Variants in ADGRD1 observed in about 807,000 individuals in gnomAD.
The protein encoded by ADGRD1 is adhesion G protein-coupled receptor D1, also known as G-protein coupled receptor 133.
In ADGRD1, 77 loss-of-function variants were observed where a neutral mutation model predicts 113.4. The ratio of observed to expected loss-of-function variants is 0.68; its 90% CI spans 0.57 to 0.82. ADGRD1 has a LOEUF of 0.82. ADGRD1 is among the 40% of genes least tolerant of loss of function. The probability of loss-of-function intolerance (pLI) is 0.00; values close to 1 mark genes in which losing one functional copy is unlikely to be tolerated. For missense variants in ADGRD1, 1,036 were observed against 1,139.1 expected (o/e 0.91, Z 1.30); for synonymous variants, 474 against 475.0 (o/e 1.00, Z 0.03).
intron 13 of ADGRD1, among the ~76,000 whole-genome samples, chr12:131,019,059 G>A (rs1177762132): frequency 6.6e-6 from 1 of 152,202 alleles, no homozygotes; most frequent in Admixed American, 6.5e-5. Context: ...TCAGAGCCCT[G>A]CACAGACGCC....
intron 3 of ADGRD1, chr12:130,970,353 T>A (rs1871466663): frequency 6.6e-6 from 1 of 152,248 alleles, no homozygotes; most frequent in African/African-American, 2.4e-5. Context: ...ACAGCCTAGC[T>A]CAATTACGCA....
intron 13 of ADGRD1, among the ~76,000 whole-genome samples, chr12:131,054,858 C>T (rs1300005738): frequency 2.0e-5 from 3 of 152,210 alleles, no homozygotes; most frequent in Non-Finnish European, 4.4e-5. Context: ...TCCTGTCCCT[C>T]ATGCACCCCT....
chr12:131,133,545 C>A (rs1250902081), intron 21 of ADGRD1, among the ~76,000 whole-genome samples: 2 of 152,230 alleles, frequency 1.3e-5, no homozygotes, highest in African/African-American at 4.8e-5. Flanking sequence ...CATTGCCCAT[C>A]CTTCCCACCT....
At chr12:131,006,551 C>T (rs1390988372) in intron 12 of ADGRD1, among the ~76,000 whole-genome samples, 7 of 152,340 alleles carry the variant, frequency 4.6e-5, no homozygotes, top group African/African-American at 1.7e-4. Context: ...TGTCTGCCCC[C>T]TGCCTCTGCT....
chr12:131,089,075 CT>C (rs2137239725), intron 15 of ADGRD1, among the ~76,000 whole-genome samples: 1 of 152,302 alleles, frequency 6.6e-6, no homozygotes, highest in East Asian at 1.9e-4. Context: ...GCTCGCATTT[CT>C]GTTCGTGTCA....
At chr12:131,066,193 C>A (rs1014129739) in intron 13 of ADGRD1, among the ~76,000 whole-genome samples, 1 of 152,154 alleles carries the variant, frequency 6.6e-6, no homozygotes, top group South Asian at 2.1e-4. Context: ...GGATTGTGAC[C>A]GCTACAAGAT....
intron 13 of ADGRD1, among the ~76,000 whole-genome samples, chr12:131,058,399 G>T (rs1884054883): frequency 6.6e-6 from 1 of 152,206 alleles, no homozygotes; most frequent in Non-Finnish European, 1.5e-5. Context: ...AATGTGCTGG[G>T]TTTGAGTTGC....
intron 8 of ADGRD1, among the ~76,000 whole-genome samples, chr12:130,996,668 C>A (rs1213431518): frequency 2.0e-5 from 2 of 97,944 alleles, no homozygotes; most frequent in African/African-American, 4.0e-5. Context: ...CTGACCCCCC[C>A]ACCTCCCTCC....
chr12:131,034,961 G>C (rs190983894), intron 13 of ADGRD1, among the ~76,000 whole-genome samples: 14 of 152,250 alleles, frequency 9.2e-5, no homozygotes, highest in Non-Finnish European at 1.8e-4. Flanking sequence ...ACAGCAGGAC[G>C]AGTGCCTTTT....
intron 11 of ADGRD1, among the ~76,000 whole-genome samples, chr12:131,004,699 C>T (rs915448235): frequency 1.3e-5 from 2 of 152,196 alleles, no homozygotes; most frequent in Non-Finnish European, 2.9e-5. Flanking sequence ...ATGGGGCCAC[C>T]TCCCCTTCCT....
chr12:131,071,801 G>A (rs1043167497), intron 13 of ADGRD1, among the ~76,000 whole-genome samples: 6 of 151,972 alleles, frequency 3.9e-5, no homozygotes, highest in Non-Finnish European at 2.9e-5. Flanking sequence ...GAACTCAGCC[G>A]CCTCGCCCGG....
chr12:131,020,535 G>A (rs1022122281), intron 13 of ADGRD1, among the ~76,000 whole-genome samples: 1 of 152,252 alleles, frequency 6.6e-6, no homozygotes, highest in African/African-American at 2.4e-5. Flanking sequence ...GGCACTGTTG[G>A]CAAAAGGAGG....
intron 15 of ADGRD1, among the ~76,000 whole-genome samples, chr12:131,100,541 G>A (rs776918223): frequency 5.9e-5 from 9 of 151,976 alleles, no homozygotes; most frequent in African/African-American, 2.2e-4. Flanking sequence ...TTGATGGTAG[G>A]CTTGGTTAAT....
rs146094572 is a variant in ADGRD1 at position 131,130,719 on chromosome 12, C to T, written c.2176-1006C>T. Among the ~76,000 whole-genome samples the T allele has an allele frequency of 6.5e-3, 990 of 151,222 alleles. 14 individuals are homozygous for T. Among genetic ancestry groups the T allele is most frequent in the African/African-American group, 0.022 (918 of 40,892 alleles). On this transcript the variant is annotated intron_variant, in intron 20 of 24. Transcript: ENST00000261654. The stretch of plus-strand genomic sequence containing the variant: ...GCGGAACAGCGATGCTGGCCCATCC[C>T]GTGCGGGGGAAGAGCGAGGCCGGCC...
chr12:130,973,617 C>G (rs1402171011), intron 4 of ADGRD1, among the ~76,000 whole-genome samples: 1 of 152,214 alleles, frequency 6.6e-6, no homozygotes, highest in Non-Finnish European at 1.5e-5. Context: ...AATCCTTGGT[C>G]TAATCCCAAA....
At position 131,003,953 on chromosome 12, in the gene ADGRD1, C is replaced by G. The variant is rs769982386; in HGVS notation, c.1145-233C>G. Among the ~76,000 whole-genome samples the G allele has an allele frequency of 6.6e-6, 1 of 151,046 alleles. No homozygotes were observed. Among genetic ancestry groups the G allele is most frequent in the South Asian group, 2.1e-4 (1 of 4,776 alleles). On this transcript the variant is annotated intron_variant, in intron 10 of 24. Coordinates refer to ENST00000261654, the MANE Select transcript of ADGRD1 (RefSeq NM_198827.5). This position sits in a 1 kb window ranked among gnomAD's most constrained non-coding sequence, Gnocchi z 4.8. The stretch of plus-strand genomic sequence containing the variant: ...GCGGAGGGCGCCCCAGGTGAGGAGC[C>G]GCGCGCCCGTGGGCCGGAATGCTGA...
intron 19 of ADGRD1, among the ~76,000 whole-genome samples, chr12:131,119,350 C>T (rs1471527764): frequency 2.0e-5 from 3 of 152,216 alleles, no homozygotes; most frequent in African/African-American, 4.8e-5. Flanking sequence ...CACAGTGAAA[C>T]AAGCATGGTT....
At chr12:131,127,657 T>G (rs2136079675) in intron 20 of ADGRD1, among the ~76,000 whole-genome samples, 1 of 146,082 alleles carries the variant, frequency 6.8e-6, no homozygotes, top group South Asian at 2.3e-4. Flanking sequence ...GGGTTGGTTG[T>G]TATGGGACTC....
At chr12:131,131,573 C>G (rs1950928879) in intron 20 of ADGRD1, 152 bp from the exon 21 acceptor site, 2 of 605,904 alleles carry the variant, frequency 3.3e-6, no homozygotes, top group Admixed American at 3.2e-5. Flanking sequence ...GCCCACGGAA[C>G]AGGGTGAGAT....
Sources: gnomAD v4.1 joint callset for allele counts (sites outside exome capture counted in the v4.1 genomes callset) on GRCh38, gnomAD v4.1.1 for gene constraint, Gnocchi (gnomAD v3.1) non-coding constraint, MANE v1.5 for transcripts, NCBI Gene and HGNC (gene_info 2026-07-23, HGNC 2026-07-21) for gene names.